Variants in DNMT3A observed in about 807,000 individuals in gnomAD.
The protein encoded by DNMT3A is DNA methyltransferase 3 alpha, also known as DNA (cytosine-5)-methyltransferase 3A.
Under a neutral mutation model 117.6 loss-of-function variants are expected in DNMT3A, and 267 were observed. The observed-to-expected ratio is 2.27, with a 90% CI of 2.05 to 2.51. DNMT3A has a LOEUF of 2.51. DNMT3A is among the 30% of genes most tolerant of loss of function. DNMT3A has a pLI of 0.00. For synonymous variants in DNMT3A, 432 were observed against 474.8 expected (o/e 0.91, Z 1.17); for missense variants, 1,029 against 1,260.2 (o/e 0.82, Z 2.78).
At chr2:25,248,710 G>C (rs1675166709) in intron 6 of DNMT3A, among the ~76,000 whole-genome samples, 1 of 152,062 alleles carries the variant, frequency 6.6e-6, no homozygotes, top group Non-Finnish European at 1.5e-5. Flanking sequence ...ACCACACCTG[G>C]CTAATTTTTG....
chr2:25,341,491 G>GC (rs1227769757), intron 1 of DNMT3A, among the ~76,000 whole-genome samples: 1 of 145,568 alleles, frequency 6.9e-6, no homozygotes, highest in Non-Finnish European at 1.5e-5. Context: ...CGGTGGAGGG[G>GC]CCCCCCGCGG....
rs576867716 is a variant in DNMT3A at position 25,241,400 on chromosome 2, C to A, written c.2082+162G>T. Among the ~76,000 whole-genome samples, 4 of 152,298 alleles carry A rather than the reference C, an allele frequency of 2.6e-5. No homozygotes were observed. The East Asian group carries it at 7.7e-4, about 29-fold the overall frequency. On this transcript the variant is annotated intron_variant, in intron 17 of 22. Coordinates refer to ENST00000321117, the MANE Select transcript of DNMT3A (RefSeq NM_022552.5). ...CCCATTTCAATTTGCCCTTTACCCT[C>A]TCAAGACAGAGGACAAATGGAAGAT...
In DNMT3A at chr2:25,247,331, G is replaced by C; in HGVS notation, c.1015-173C>G. The C allele has an allele frequency of 1.3e-6, 1 of 774,976 alleles. No individual in the cohort carries two copies. 48.0% of individuals were successfully genotyped at this position (774,976 alleles called of 1,614,324 possible). On this transcript the variant is annotated intron_variant, in intron 8 of 22. Coordinates refer to ENST00000321117, the MANE Select transcript of DNMT3A (RefSeq NM_022552.5). This position sits in a 1 kb window ranked among gnomAD's most constrained non-coding sequence, Gnocchi z 5.6. Reference sequence around the variant, plus strand: ...AAAGAGGAGTCCAGACCAAGAGTAGGGAAGTACCTGAGTGCAGGTGGAAAG... The same window carrying C: ...AAAGAGGAGTCCAGACCAAGAGTAGCGAAGTACCTGAGTGCAGGTGGAAAG...
At chr2:25,324,393 G>A (rs1009258599) in intron 1 of DNMT3A, among the ~76,000 whole-genome samples, 3 of 152,326 alleles carry the variant, frequency 2.0e-5, no homozygotes, top group South Asian at 4.1e-4. Context: ...ATCCAGGTCC[G>A]TGTAACTCAG....
At chr2:25,329,694 CACACACACACACACACACAG>C (rs1208434655) in intron 1 of DNMT3A, among the ~76,000 whole-genome samples, 17 of 151,506 alleles carry the variant, frequency 1.1e-4, no homozygotes, top group Admixed American at 1.1e-3. Context: ...CACACACACA[CACACACACACACACACACAG>C]ACACACAGAT....
rs774281885 is a variant in DNMT3A at position 25,247,747 on chromosome 2, G to A, written c.858C>T (p.Asp286=). ...GCTCCCCAATGCCAAAGCCCCGGCC[G>A]TCCTGGAGCCCCAAGGAGCAGAAAT... ...KAGDDEPEYE[D]GRGFGIGELV... is the part of the protein sequence containing the mutation. The change falls in exon 8 of 23, where the codon GAC becomes GAT. Residue 286 remains aspartate, a splice_region_variant and synonymous_variant. Transcript: ENST00000321117. This position sits in a 1 kb window ranked among gnomAD's most constrained non-coding sequence, Gnocchi z 5.6. 14 of 1,611,872 alleles carry A rather than the reference G, an allele frequency of 8.7e-6. No individual in the cohort carries two copies. Among genetic ancestry groups the A allele is most frequent in the Non-Finnish European group, 1.2e-5 (14 of 1,179,938 alleles).
At position 25,282,154 on chromosome 2, in the gene DNMT3A, C is replaced by CTTTT; in HGVS notation, c.448+283_448+286dup. Reference sequence around the variant, plus strand: ...GAAAGCCCGCTGTTGCCAGATCTAGCTTTTTTTTTTTTCATGAGAAGCCAA... The same window carrying CTTTT: ...GAAAGCCCGCTGTTGCCAGATCTAGCTTTTTTTTTTTTTTTTCATGAGAAGCCAA... On this transcript the variant is annotated intron_variant, in intron 4 of 22. Coordinates refer to ENST00000321117, the MANE Select transcript of DNMT3A (RefSeq NM_022552.5). The surrounding 1 kb of genome is among the most constrained non-coding windows in gnomAD (Gnocchi z 5.2). The CTTTT allele has an allele frequency of 1.1e-6, 1 of 935,672 alleles. No individual in the cohort carries two copies. The highest frequency in any genetic ancestry group is 1.4e-6 in the Non-Finnish European group (1 of 714,568). The allele number at this position is 935,672 out of a possible 1,614,324, so 58.0% of individuals were successfully genotyped here.
chr2:25,307,645 T>C (rs188646747), intron 2 of DNMT3A, among the ~76,000 whole-genome samples: 1 of 152,262 alleles, frequency 6.6e-6, no homozygotes, highest in East Asian at 1.9e-4. Context: ...TTTGTATTTT[T>C]AGTAGAGACG....
chr2:25,326,682 C>T (rs1025284453), intron 1 of DNMT3A, among the ~76,000 whole-genome samples: 3 of 152,200 alleles, frequency 2.0e-5, no homozygotes, highest in African/African-American at 4.8e-5. Flanking sequence ...GCTGCATGGG[C>T]GCTTCCCAGC....
At position 25,240,411 on chromosome 2, in the gene DNMT3A, A is replaced by T. The variant is rs745714537; in HGVS notation, c.2213T>A (p.Leu738Gln). The change falls in exon 19 of 23, where the codon CTG becomes CAG. Residue 738 changes from leucine (L) to glutamine (Q), a missense_variant. By Grantham distance (113) the Leu-to-Gln change is moderately radical. Transcript: ENST00000321117. The stretch of plus-strand genomic sequence containing the variant: ...TCCCTCCTTGGGCCGCGCATCATGC[A>T]GGAGGCGGTAGAACTCAAAGAAGAG... ...GRLFFEFYRL[L>Q]HDARPKEGDD... The T allele has an allele frequency of 1.2e-6, 2 of 1,613,150 alleles. No homozygotes were observed. Among genetic ancestry groups the T allele is most frequent in the Non-Finnish European group, 1.7e-6 (2 of 1,179,606 alleles).
At chr2:25,314,544 A>C in intron 1 of DNMT3A, 1 of 982,614 alleles carries the variant, frequency 1.0e-6, no homozygotes, top group African/African-American at 1.8e-5. Flanking sequence ...AGAGGCCCCT[A>C]GCCCAGCTAC....
In DNMT3A at chr2:25,337,707, A is replaced by T. The variant is rs2035266098; in HGVS notation, c.-178+4119T>A. 6.6e-6 allele frequency among the ~76,000 whole-genome samples: 1 copy of T among 152,224 alleles called. No homozygotes were observed. Among genetic ancestry groups the T allele is most frequent in the Non-Finnish European group, 1.5e-5 (1 of 68,034 alleles). On this transcript the variant is annotated intron_variant, in intron 1 of 22. Transcript: ENST00000321117. The surrounding 1 kb of genome is among the most constrained non-coding windows in gnomAD (Gnocchi z 5.0). ...CTTGCCCACACACTTAGCCAAGTGG[A>T]GGCAGGCTCGGATACAGACATAAAT...
At chr2:25,268,363 A>G (rs1219137540) in intron 6 of DNMT3A, among the ~76,000 whole-genome samples, 1 of 152,122 alleles carries the variant, frequency 6.6e-6, no homozygotes, top group Admixed American at 6.5e-5. Flanking sequence ...AATGTGCTGT[A>G]ACTGAGTCCT....
chr2:25,316,613 G>A (rs1315162130), intron 1 of DNMT3A, among the ~76,000 whole-genome samples: 2 of 152,184 alleles, frequency 1.3e-5, no homozygotes, highest in South Asian at 4.1e-4. Context: ...ACCCGTAGAC[G>A]CTTCATTCTT....
At chr2:25,325,591 G>A (rs148049472) in intron 1 of DNMT3A, among the ~76,000 whole-genome samples, 92 of 152,236 alleles carry the variant, frequency 6.0e-4, no homozygotes, top group African/African-American at 1.8e-3. Flanking sequence ...CCTCGTCCTC[G>A]GGGGAGAGTG....
chr2:25,310,249 T>C (rs2034034641), intron 2 of DNMT3A, among the ~76,000 whole-genome samples: 3 of 151,760 alleles, frequency 2.0e-5, no homozygotes, highest in Admixed American at 1.3e-4. Context: ...CTGTTCTTGG[T>C]CCCCTGTCCT....
chr2:25,239,103 C>G, intron 20 of DNMT3A, 27 bp downstream of exon 20: 1 of 1,609,660 alleles, frequency 6.2e-7, no homozygotes, highest in Non-Finnish European at 8.5e-7. Flanking sequence ...AGCCCACAGC[C>G]CCCCAGGCCC....
In DNMT3A at chr2:25,283,303, G is replaced by A. The variant is rs563262932; in HGVS notation, c.178-592C>T. ...CTTGAACCTGGGAGGCAGAGTTTGC[G>A]GTGAGCCGAGATCACGCCATTGCAC... On this transcript the variant is annotated intron_variant, in intron 3 of 22. Coordinates refer to ENST00000321117, the MANE Select transcript of DNMT3A (RefSeq NM_022552.5). Among the ~76,000 whole-genome samples the A allele has an allele frequency of 5.3e-5, 8 of 151,184 alleles. No individual in the cohort carries two copies. The East Asian group carries it at 1.2e-3, about 22-fold the overall frequency.
chr2:25,264,474 GT>G (rs575553375), intron 6 of DNMT3A, among the ~76,000 whole-genome samples: 2 of 138,652 alleles, frequency 1.4e-5, no homozygotes, highest in Non-Finnish European at 1.5e-5. Context: ...TTTTTGTTTT[GT>G]TTTTTTTTGT....
Sources: gnomAD v4.1 joint callset for allele counts (sites outside exome capture counted in the v4.1 genomes callset) on GRCh38, gnomAD v4.1.1 for gene constraint, Gnocchi (gnomAD v3.1) non-coding constraint, MANE v1.5 for transcripts, NCBI Gene and HGNC (gene_info 2026-07-23, HGNC 2026-07-21) for gene names.